Variants in SLC35F1 observed in about 807,000 individuals in gnomAD.
SLC35F1 encodes solute carrier family 35 member F1.
Under a neutral mutation model 48.7 loss-of-function variants are expected in SLC35F1, and 14 were observed. That is an observed-to-expected ratio of 0.29 (90% CI 0.19 to 0.45). The LOEUF is 0.45. Among genes scored for constraint, SLC35F1 ranks in the 20% least tolerant of loss-of-function variants. SLC35F1 has a pLI of 1.00. For missense variants in SLC35F1, 404 were observed against 500.0 expected (o/e 0.81, Z 1.83); for synonymous variants, 190 against 202.2 (o/e 0.94, Z 0.51).
chr6:117,992,435 T>G lies in SLC35F1; in HGVS notation c.173+84536T>G, dbSNP rs142046726. Among the ~76,000 whole-genome samples the G allele has an allele frequency of 1.9e-4, 29 of 152,308 alleles. No homozygotes were observed. The East Asian group carries it at 5.6e-3, about 29-fold the overall frequency. On this transcript the variant is annotated intron_variant, in intron 1 of 7. Coordinates refer to ENST00000360388, the MANE Select transcript of SLC35F1 (RefSeq NM_001029858.4). ...CTCCTTTAGTATTCCCTCTCCCTATTTATTTCCTTTGCATTCTTGTCCTTC... is the reference window on the plus strand; with the variant it reads ...CTCCTTTAGTATTCCCTCTCCCTATGTATTTCCTTTGCATTCTTGTCCTTC...
intron 1 of SLC35F1, among the ~76,000 whole-genome samples, chr6:118,136,879 A>G (rs1438308782): frequency 6.6e-6 from 1 of 152,210 alleles, no homozygotes; most frequent in African/African-American, 2.4e-5. Flanking sequence ...CACAGCAGCC[A>G]TCATGTTCTG....
chr6:118,177,730 C>G (rs1490494657), intron 2 of SLC35F1, among the ~76,000 whole-genome samples: 2 of 152,008 alleles, frequency 1.3e-5, no homozygotes, highest in African/African-American at 4.8e-5. Flanking sequence ...GAATTTTCCT[C>G]TGTTATAGTT....
At chr6:118,077,121 C>A (rs894922688) in intron 1 of SLC35F1, among the ~76,000 whole-genome samples, 6 of 152,162 alleles carry the variant, frequency 3.9e-5, no homozygotes, top group African/African-American at 1.4e-4. Flanking sequence ...GTAAAGAAAG[C>A]ATTGACTTGT....
rs201840621 is a variant in SLC35F1 at position 118,157,297 on chromosome 6, G to GTT, written c.349+2683_349+2684dup. 2.2e-3 allele frequency among the ~76,000 whole-genome samples: 330 copies of GTT among 152,158 alleles called. 6 individuals carry two copies. Among genetic ancestry groups the GTT allele is most frequent in the Admixed American group, 0.02 (312 of 15,288 alleles). On this transcript the variant is annotated intron_variant, in intron 2 of 7. Transcript: ENST00000360388. ...GAGACCTTTTTGAAAAAAAGGAGAGGTTTTTTTCCTTTGAATTTCAAAACC... is the reference window on the plus strand; with the variant it reads ...GAGACCTTTTTGAAAAAAAGGAGAGGTTTTTTTTTCCTTTGAATTTCAAAACC...
intron 3 of SLC35F1, among the ~76,000 whole-genome samples, chr6:118,259,643 G>GA (rs11372367): frequency 0.39 from 58,048 of 150,420 alleles, 11,890 homozygotes; most frequent in Middle Eastern, 0.49. Context: ...TTTGTCACTA[G>GA]AAAAATGCAA....
At chr6:118,240,669 C>G (rs1477748263) in intron 3 of SLC35F1, among the ~76,000 whole-genome samples, 1 of 152,156 alleles carries the variant, frequency 6.6e-6, no homozygotes, top group Non-Finnish European at 1.5e-5. Flanking sequence ...GAACGTTTGT[C>G]AAAGCAATCT....
At chr6:118,307,970 C>T (rs2114668308) in intron 7 of SLC35F1, among the ~76,000 whole-genome samples, 1 of 152,304 alleles carries the variant, frequency 6.6e-6, no homozygotes, top group South Asian at 2.1e-4. Context: ...ATTGTCCTCT[C>T]CCTCCCTATA....
At chr6:118,014,984 G>C (rs921842195) in intron 1 of SLC35F1, among the ~76,000 whole-genome samples, 1 of 152,194 alleles carries the variant, frequency 6.6e-6, no homozygotes, top group Admixed American at 6.5e-5. Flanking sequence ...CCCAGCTAAA[G>C]ATAATTGAAT....
intron 1 of SLC35F1, among the ~76,000 whole-genome samples, chr6:118,144,442 C>T (rs560925127): frequency 2.1e-5 from 3 of 143,408 alleles, no homozygotes; most frequent in African/African-American, 5.2e-5. Context: ...TGCAGGGGGT[C>T]GGGGGGAGGG....
intron 7 of SLC35F1, among the ~76,000 whole-genome samples, chr6:118,301,880 T>G (rs1470511698): frequency 6.6e-6 from 1 of 152,238 alleles, no homozygotes; most frequent in Non-Finnish European, 1.5e-5. Context: ...GTAACTGTCC[T>G]TGCAAGCTTT....
chr6:117,937,610 A>AAGAGCT (rs1776176935), intron 1 of SLC35F1, among the ~76,000 whole-genome samples: 1 of 152,202 alleles, frequency 6.6e-6, no homozygotes, highest in Admixed American at 6.5e-5. Flanking sequence ...TTTAGCTCAG[A>AAGAGCT]AGAGCTAAAA....
At chr6:117,980,625 G>A (rs1166646211) in intron 1 of SLC35F1, among the ~76,000 whole-genome samples, 2 of 152,144 alleles carry the variant, frequency 1.3e-5, no homozygotes, top group African/African-American at 4.8e-5. Flanking sequence ...TAAGGTCTCT[G>A]ACTTTAGGGA....
chr6:117,958,151 G>A (rs1199562147), intron 1 of SLC35F1, among the ~76,000 whole-genome samples: 1 of 151,744 alleles, frequency 6.6e-6, no homozygotes, highest in Non-Finnish European at 1.5e-5. Flanking sequence ...AAAGTAAAAA[G>A]TAAAAATAAA....
chr6:118,043,264 T>C (rs1772252916), intron 1 of SLC35F1, among the ~76,000 whole-genome samples: 1 of 152,212 alleles, frequency 6.6e-6, no homozygotes, highest in African/African-American at 2.4e-5. Flanking sequence ...GTTTAACTGT[T>C]CTTTTGAGTC....
chr6:118,127,646 T>C (rs969206025), intron 1 of SLC35F1, among the ~76,000 whole-genome samples: 39 of 151,784 alleles, frequency 2.6e-4, no homozygotes, highest in Non-Finnish European at 4.3e-4. Flanking sequence ...TTACACCTTA[T>C]ACAAAAATTA....
At chr6:117,925,303 G>C (rs1776013978) in intron 1 of SLC35F1, among the ~76,000 whole-genome samples, 1 of 152,066 alleles carries the variant, frequency 6.6e-6, no homozygotes, top group Admixed American at 6.6e-5. Context: ...ATTTAGATGG[G>C]GGAGGAGCTG....
chr6:118,119,386 T>G (rs1773520085), intron 1 of SLC35F1, among the ~76,000 whole-genome samples: 1 of 152,094 alleles, frequency 6.6e-6, no homozygotes. Context: ...TACATTTTGA[T>G]GCACCCATGG....
chr6:118,229,671 G>A (rs1216269213), intron 2 of SLC35F1, among the ~76,000 whole-genome samples: 1 of 152,150 alleles, frequency 6.6e-6, no homozygotes, highest in Non-Finnish European at 1.5e-5. Context: ...AACTCCTACA[G>A]GTCTCATTCT....
intron 1 of SLC35F1, among the ~76,000 whole-genome samples, chr6:117,970,823 A>C (rs1034376944): frequency 6.6e-6 from 1 of 152,156 alleles, no homozygotes; most frequent in Non-Finnish European, 1.5e-5. Context: ...CCTATGTTTC[A>C]ATTAGTTCCT....
Sources: gnomAD v4.1 joint callset for allele counts (sites outside exome capture counted in the v4.1 genomes callset) on GRCh38, gnomAD v4.1.1 for gene constraint, MANE v1.5 for transcripts, NCBI Gene and HGNC (gene_info 2026-07-23, HGNC 2026-07-21) for gene names.